The following RBM33 variants were observed in gnomAD, a reference collection of about 807,000 sequenced individuals.
RBM33 encodes the protein RNA-binding protein 33.
Under a neutral mutation model 132.6 loss-of-function variants are expected in RBM33, and 28 were observed. That is an observed-to-expected ratio of 0.21 (90% confidence interval 0.16 to 0.29). RBM33 has a LOEUF of 0.29. Ranked by LOEUF, RBM33 falls within the 10% of genes least tolerant of loss-of-function variation. RBM33 has a pLI of 1.00. For missense variants in RBM33, 1,291 were observed against 1,518.5 expected, an observed-to-expected ratio of 0.85 and a Z score of 2.49; for synonymous variants, 634 against 593.0, an observed-to-expected ratio of 1.07 and a Z score of -1.01.
chr7:155,645,860 A>G (rs113563581), intron 1 of RBM33, among the ~76,000 whole-genome samples: 7 of 152,364 alleles, frequency 4.6e-5, no homozygotes, highest in African/African-American at 1.4e-4. Context: ...TTACGTTGTT[A>G]TCATCCTGTT....
At chr7:155,650,969 T>C (rs907188659) in intron 1 of RBM33, among the ~76,000 whole-genome samples, 1 of 152,056 alleles carries the variant, frequency 6.6e-6, no homozygotes, top group Non-Finnish European at 1.5e-5. Flanking sequence ...CCTCCACCTC[T>C]TGGGTTCAAG....
intron 9 of RBM33, among the ~76,000 whole-genome samples, chr7:155,732,063 G>GGGA (rs564997782): frequency 1.2e-3 from 185 of 152,286 alleles, no homozygotes; most frequent in African/African-American, 4.2e-3. Context: ...TCTGCACCTG[G>GGGA]GGAGGAGCCT....
intron 2 of RBM33, among the ~76,000 whole-genome samples, chr7:155,669,703 G>T (rs192057317): frequency 6.6e-6 from 1 of 152,144 alleles, no homozygotes; most frequent in African/African-American, 2.4e-5. Flanking sequence ...ACAGGCCAGG[G>T]TTAAAGAACT....
At chr7:155,748,803 A>C (rs1289505214) in intron 14 of RBM33, among the ~76,000 whole-genome samples, 1 of 152,008 alleles carries the variant, frequency 6.6e-6, no homozygotes, top group Non-Finnish European at 1.5e-5. Flanking sequence ...ATGCGTGTGC[A>C]TAGGGAACAT....
At chr7:155,759,836 A>T (rs4716906) in intron 14 of RBM33, among the ~76,000 whole-genome samples, 10,055 of 152,136 alleles carry the variant, frequency 0.066, 517 homozygotes, top group African/African-American at 0.14. Flanking sequence ...ATCTTGTTTC[A>T]AGCTTTGGAT....
intron 7 of RBM33, 22 bp from the exon 8 acceptor site, chr7:155,711,181 T>C (rs1269939800): frequency 6.7e-7 from 1 of 1,493,078 alleles, no homozygotes; most frequent in Non-Finnish European, 8.9e-7. Flanking sequence ...AGACTCATTC[T>C]CCAAGGTTAA....
chr7:155,689,309 G>A (rs1799566066), intron 5 of RBM33, among the ~76,000 whole-genome samples: 1 of 151,034 alleles, frequency 6.6e-6, no homozygotes, highest in South Asian at 2.1e-4. Context: ...CTGTGGGATC[G>A]GTGGTGATAT....
At chr7:155,719,068 GA>G (rs1800549231) in intron 9 of RBM33, among the ~76,000 whole-genome samples, 2 of 151,874 alleles carry the variant, frequency 1.3e-5, no homozygotes, top group Non-Finnish European at 2.9e-5. Context: ...TTAGGTAGAA[GA>G]AAAAGCCCAT....
chr7:155,691,783 C>T (rs1411234001), intron 5 of RBM33, among the ~76,000 whole-genome samples: 1 of 152,082 alleles, frequency 6.6e-6, no homozygotes, highest in East Asian at 1.9e-4. Flanking sequence ...TGGCTGGGTG[C>T]TGTGTCTTAT....
At chr7:155,682,654 C>T (rs572412032) in intron 5 of RBM33, among the ~76,000 whole-genome samples, 5 of 152,260 alleles carry the variant, frequency 3.3e-5, no homozygotes, top group South Asian at 2.1e-4. Context: ...ATTGCTAAAC[C>T]GTGTCATGAA....
chr7:155,673,952 T>TGTTTTTTTTTTGTTTTG (rs1563138405), intron 3 of RBM33, among the ~76,000 whole-genome samples: 1 of 116,026 alleles, frequency 8.6e-6, no homozygotes, highest in African/African-American at 3.2e-5. Context: ...TTTTTTTTTT[T>TGTTTTTTTTTTGTTTTG]TTTTTTTTTT....
chr7:155,770,929 C>T (rs186599696), intron 16 of RBM33, among the ~76,000 whole-genome samples: 35 of 152,304 alleles, frequency 2.3e-4, no homozygotes, highest in Admixed American at 5.2e-4. Context: ...GTGAAGCTGC[C>T]AGCTGAAGTG....
intron 9 of RBM33, among the ~76,000 whole-genome samples, chr7:155,721,467 T>G (rs1307912928): frequency 1.3e-5 from 2 of 152,214 alleles, no homozygotes; most frequent in Non-Finnish European, 1.5e-5. Context: ...ATTTGTATAG[T>G]AGAATTATAT....
At position 155,741,990 on chromosome 7, in the gene RBM33, T is replaced by G; in HGVS notation, c.2221T>G (p.Ser741Ala). ...SAQVKPIVSA[S>A]PPSRAVAGSR... is the part of the protein sequence containing the mutation. Reference sequence around the variant, plus strand: ...ACAAGTGAAACCTATCGTCAGCGCGTCACCACCCTCGCGGGCCGTGGCGGG... The same window carrying G: ...ACAAGTGAAACCTATCGTCAGCGCGGCACCACCCTCGCGGGCCGTGGCGGG... Residue 741 changes from serine to alanine, a missense_variant, in exon 13 of 18, where the codon TCA (serine) becomes GCA (alanine). Physicochemically the swap from Ser to Ala is moderately conservative, Grantham distance 99. Coordinates refer to ENST00000401878, the MANE Select transcript of RBM33 (RefSeq NM_053043.3). The G allele has an allele frequency of 6.2e-7, 1 of 1,613,936 alleles. No homozygotes were observed. Among genetic ancestry groups the G allele is most frequent in the South Asian group, 1.1e-5 (1 of 91,074 alleles).
chr7:155,700,546 CTTTTTTTTTTTTTTTTTT>C (rs529323301), intron 5 of RBM33, among the ~76,000 whole-genome samples: 8 of 85,582 alleles, frequency 9.3e-5, no homozygotes, highest in Admixed American at 2.7e-4. Context: ...AGAATTTGAC[CTTTTTTTTTTTTTTTTTT>C]TTTTTTTTTT....
At chr7:155,646,520 T>TA (rs1205968492) in intron 1 of RBM33, among the ~76,000 whole-genome samples, 1 of 152,230 alleles carries the variant, frequency 6.6e-6, no homozygotes. Context: ...GGTCCCTGCC[T>TA]ACCCCACCAG....
chr7:155,766,902 T>G (rs1585548545), intron 16 of RBM33: 2 of 509,264 alleles, frequency 3.9e-6, no homozygotes, highest in East Asian at 7.1e-5. Context: ...CAGATTATCC[T>G]TTGAGATCCT....
intron 14 of RBM33, among the ~76,000 whole-genome samples, chr7:155,759,214 T>C (rs1171088286): frequency 6.6e-6 from 1 of 152,210 alleles, no homozygotes; most frequent in African/African-American, 2.4e-5. Flanking sequence ...TACCTGTATT[T>C]CTGAACTTTA....
intron 9 of RBM33, among the ~76,000 whole-genome samples, chr7:155,721,314 T>C (rs1028740560): frequency 6.6e-5 from 10 of 152,206 alleles, no homozygotes; most frequent in Admixed American, 4.6e-4. Flanking sequence ...GAGCACATAG[T>C]TGTCAAATAG....
Sources: allele counts gnomAD v4.1 joint callset (sites outside exome capture counted in the v4.1 genomes callset), GRCh38; gene constraint gnomAD v4.1.1; transcripts MANE v1.5; gene names NCBI Gene and HGNC (gene_info 2026-07-23, HGNC 2026-07-21).